The following GPHN variants were observed in gnomAD, a reference collection of about 807,000 sequenced individuals.
GPHN encodes gephyrin.
In GPHN, 17 loss-of-function variants were observed where a neutral mutation model predicts 95.5. The ratio of observed to expected loss-of-function variants is 0.18; its 90% CI spans 0.12 to 0.27. The LOEUF is 0.27. Ranked by LOEUF, GPHN falls within the 10% of genes least tolerant of loss-of-function variation. The pLI is 1.00. For synonymous variants in GPHN, 320 were observed against 322.5 expected, an observed-to-expected ratio of 0.99 and a Z score of 0.08; for missense variants, 660 against 978.1, an observed-to-expected ratio of 0.67 and a Z score of 4.34.
At chr14:66,582,131 G>A (rs2061207209) in intron 1 of GPHN, among the ~76,000 whole-genome samples, 1 of 151,948 alleles carries the variant, frequency 6.6e-6, no homozygotes, top group Non-Finnish European at 1.5e-5. Flanking sequence ...TCGTAAGTCA[G>A]ACCAGAAAAT....
At chr14:67,478,373 A>G in the GPHN span, among the ~76,000 whole-genome samples, 1 of 152,128 alleles carries the variant, frequency 6.6e-6, no homozygotes, top group Non-Finnish European at 1.5e-5. Context: ...TTTGGGATCC[A>G]TCCCCTCCTC....
At chr14:66,579,955 G>A (rs1471015577) in intron 1 of GPHN, among the ~76,000 whole-genome samples, 1 of 151,510 alleles carries the variant, frequency 6.6e-6, no homozygotes, top group Admixed American at 6.6e-5. Context: ...CATTCTCCAG[G>A]GTATACCACG....
chr14:67,112,037 C>CAAAAAGCAAAA, intron 15 of GPHN, 118 bp downstream of exon 15: 1 of 809,060 alleles, frequency 1.2e-6, no homozygotes. Context: ...ATTTTCAGGG[C>CAAAAAGCAAAA]TTTAACAAAA....
the GPHN span, among the ~76,000 whole-genome samples, chr14:67,492,893 G>A: frequency 6.6e-6 from 1 of 152,238 alleles, no homozygotes; most frequent in African/African-American, 2.4e-5. Context: ...GCAGGTGGGA[G>A]ATCAGCAATA....
At chr14:66,918,348 T>C (rs2066021277) in intron 6 of GPHN, among the ~76,000 whole-genome samples, 1 of 152,122 alleles carries the variant, frequency 6.6e-6, no homozygotes, top group Non-Finnish European at 1.5e-5. Flanking sequence ...AAACACTTAC[T>C]GCCAGTGTGG....
chr14:67,418,956 C>T, the GPHN span, among the ~76,000 whole-genome samples: 1 of 152,178 alleles, frequency 6.6e-6, no homozygotes, highest in Non-Finnish European at 1.5e-5. Context: ...AGACCCATTG[C>T]TTCCCCACCA....
the GPHN span, among the ~76,000 whole-genome samples, chr14:67,266,372 C>T: frequency 9.2e-5 from 14 of 152,210 alleles, no homozygotes; most frequent in East Asian, 2.3e-3. Context: ...GTTGCCCAGT[C>T]TGAAGTGCAG....
chr14:66,972,861 T>G (rs1349364129), intron 9 of GPHN, among the ~76,000 whole-genome samples: 1 of 152,156 alleles, frequency 6.6e-6, no homozygotes, highest in African/African-American at 2.4e-5. Context: ...GAACAGTGAT[T>G]GTTCATACTA....
the GPHN span, among the ~76,000 whole-genome samples, chr14:67,523,060 C>G: frequency 1.4e-4 from 22 of 152,306 alleles, no homozygotes; most frequent in East Asian, 3.9e-3. Flanking sequence ...CGCGGTGGCT[C>G]ATGCCTATAA....
At chr14:67,438,127 G>C in the GPHN span, among the ~76,000 whole-genome samples, 2 of 152,262 alleles carry the variant, frequency 1.3e-5, no homozygotes, top group African/African-American at 4.8e-5. Flanking sequence ...TTCAAGCCAT[G>C]TTGGCAAAGC....
the GPHN span, chr14:67,364,738 C>T: frequency 1.4e-5 from 22 of 1,586,982 alleles, no homozygotes; most frequent in Non-Finnish European, 1.6e-5. Flanking sequence ...TAACTGAATA[C>T]TTACTTAATT....
intron 8 of GPHN, among the ~76,000 whole-genome samples, chr14:66,932,696 A>C (rs114690726): frequency 0.044 from 6,587 of 151,262 alleles, 188 homozygotes; most frequent in Middle Eastern, 0.068. Flanking sequence ...CTTGGCTGCC[A>C]CTGATGTTTA....
chr14:67,117,827 G>T (rs1432836676), intron 16 of GPHN, among the ~76,000 whole-genome samples: 1 of 152,098 alleles, frequency 6.6e-6, no homozygotes, highest in Non-Finnish European at 1.5e-5. Flanking sequence ...CAAAACAAGG[G>T]CTGGAGTTAA....
chr14:66,666,726 A>T (rs1202214139), intron 1 of GPHN, among the ~76,000 whole-genome samples: 1 of 152,226 alleles, frequency 6.6e-6, no homozygotes, highest in Non-Finnish European at 1.5e-5. Context: ...AAACCGGCAC[A>T]AGACAAGGAC....
At chr14:67,051,702 G>T (rs1400885240) in intron 10 of GPHN, among the ~76,000 whole-genome samples, 1 of 152,154 alleles carries the variant, frequency 6.6e-6, no homozygotes, top group African/African-American at 2.4e-5. Context: ...ATTAAGGGCA[G>T]CCAGAGAAAA....
At chr14:67,439,551 T>TTCTG in the GPHN span, among the ~76,000 whole-genome samples, 1 of 63,626 alleles carries the variant, frequency 1.6e-5, no homozygotes, top group Non-Finnish European at 3.1e-5. Flanking sequence ...CTTTCTTTCT[T>TTCTG]TCTTTCTTTC....
chr14:66,661,727 A>G (rs938252873), intron 1 of GPHN, among the ~76,000 whole-genome samples: 11 of 151,794 alleles, frequency 7.2e-5, no homozygotes, highest in Admixed American at 1.3e-4. Flanking sequence ...CCTCACTTGT[A>G]TTCTCTGGTT....
At chr14:67,390,870 C>A in the GPHN span, 1 of 766,804 alleles carries the variant, frequency 1.3e-6, no homozygotes, top group Non-Finnish European at 2.4e-6. Context: ...CATTCTAAAA[C>A]CAGTCCACAG....
At chr14:67,225,960 TGTGC>T in the GPHN span, among the ~76,000 whole-genome samples, 6,556 of 119,750 alleles carry the variant, frequency 0.055, 390 homozygotes, top group East Asian at 0.23. Context: ...TGTGTGTGTG[TGTGC>T]GCGCGCGCGC....
Sources: allele counts gnomAD v4.1 joint callset (sites outside exome capture counted in the v4.1 genomes callset), GRCh38; gene constraint gnomAD v4.1.1; transcripts MANE v1.5; gene names NCBI Gene and HGNC (gene_info 2026-07-23, HGNC 2026-07-21).